Variants in STPG2 observed in about 807,000 individuals in gnomAD.
The protein encoded by STPG2 is sperm tail PG-rich repeat containing 2, also known as sperm-tail PG-rich repeat-containing protein 2.
A neutral mutation model predicts 54.2 loss-of-function variants in STPG2; 56 were observed. The ratio of observed to expected loss-of-function variants is 1.03; its 90% CI spans 0.83 to 1.29. The LOEUF (loss-of-function observed/expected upper bound fraction) is 1.29, where lower values mean the gene tolerates loss of function less well. STPG2 is among the 50% of genes most tolerant of loss of function. STPG2 has a pLI of 0.00. For synonymous variants in STPG2, 200 were observed against 181.8 expected (o/e 1.10, Z -0.81); for missense variants, 596 against 544.9 (o/e 1.09, Z -0.93).
intron 8 of STPG2, among the ~76,000 whole-genome samples, chr4:97,884,429 A>C (rs919450854): frequency 6.6e-6 from 1 of 152,210 alleles, no homozygotes; most frequent in Non-Finnish European, 1.5e-5. Context: ...TTTTATAAAA[A>C]GAGAAAAAGG....
At chr4:97,584,869 A>G (rs1190827046) in intron 10 of STPG2, among the ~76,000 whole-genome samples, 2 of 151,746 alleles carry the variant, frequency 1.3e-5, no homozygotes, top group Non-Finnish European at 2.9e-5. Context: ...AAATAGTAAT[A>G]ACAAAAATTG....
At chr4:97,924,246 T>C (rs1008660886) in intron 8 of STPG2, among the ~76,000 whole-genome samples, 1 of 152,088 alleles carries the variant, frequency 6.6e-6, no homozygotes, top group African/African-American at 2.4e-5. Flanking sequence ...ACCGCGAGGG[T>C]CCGCGGCTTC....
At chr4:97,507,379 A>G (rs1357334963) in intron 4 of STPG2, among the ~76,000 whole-genome samples, 1 of 152,126 alleles carries the variant, frequency 6.6e-6, no homozygotes, top group Non-Finnish European at 1.5e-5. Context: ...TTCAAAATAT[A>G]CACAGAACAA....
intron 10 of STPG2, among the ~76,000 whole-genome samples, chr4:97,663,693 G>A (rs1307416913): frequency 6.6e-6 from 1 of 152,140 alleles, no homozygotes; most frequent in Non-Finnish European, 1.5e-5. Context: ...GCAGTTCTGT[G>A]TCATTGGACT....
intron 5 of STPG2, among the ~76,000 whole-genome samples, chr4:98,098,932 C>A (rs1015735627): frequency 6.6e-6 from 1 of 151,838 alleles, no homozygotes; most frequent in Non-Finnish European, 1.5e-5. Context: ...ATGATCTCAC[C>A]CTAGTTAAAA....
chr4:98,056,570 C>G (rs1316876090), intron 5 of STPG2, among the ~76,000 whole-genome samples: 2 of 152,054 alleles, frequency 1.3e-5, no homozygotes, highest in Non-Finnish European at 2.9e-5. Context: ...CTAATATCTC[C>G]CATAAATGAA....
chr4:97,633,987 A>G (rs1650605858), intron 10 of STPG2, among the ~76,000 whole-genome samples: 1 of 152,186 alleles, frequency 6.6e-6, no homozygotes, highest in Non-Finnish European at 1.5e-5. Flanking sequence ...GGTGGAGCCC[A>G]CCACAGCTCA....
At chr4:97,884,878 CG>C (rs1730506552) in intron 8 of STPG2, among the ~76,000 whole-genome samples, 1 of 151,988 alleles carries the variant, frequency 6.6e-6, no homozygotes, top group African/African-American at 2.4e-5. Flanking sequence ...TTCCTTCTCA[CG>C]GTTCAAATTT....
chr4:97,626,339 T>G (rs1734137502), intron 10 of STPG2, among the ~76,000 whole-genome samples: 1 of 152,120 alleles, frequency 6.6e-6, no homozygotes, highest in African/African-American at 2.4e-5. Flanking sequence ...TGAAATATAT[T>G]CTTCTTCTCT....
intron 10 of STPG2, among the ~76,000 whole-genome samples, chr4:97,605,800 T>A (rs988207448): frequency 6.7e-6 from 1 of 149,486 alleles, no homozygotes; most frequent in African/African-American, 2.5e-5. Flanking sequence ...CAATAATATT[T>A]GCATTAATAC....
At chr4:97,449,809 T>G (rs1729318782) in intron 4 of STPG2, among the ~76,000 whole-genome samples, 1 of 152,206 alleles carries the variant, frequency 6.6e-6, no homozygotes, top group South Asian at 2.1e-4. Flanking sequence ...AAAGTCAGCT[T>G]CATGTATTTC....
At chr4:97,531,994 C>T (rs2148853926) in intron 4 of STPG2, among the ~76,000 whole-genome samples, 1 of 152,102 alleles carries the variant, frequency 6.6e-6, no homozygotes, top group South Asian at 2.1e-4. Flanking sequence ...ATATAAACAC[C>T]TACTATGTAC....
chr4:98,025,558 A>T, intron 5 of STPG2: 2 of 724,248 alleles, frequency 2.8e-6, no homozygotes, highest in Admixed American at 3.5e-5. Flanking sequence ...TAACAAACAG[A>T]GATATCATTT....
intron 9 of STPG2, among the ~76,000 whole-genome samples, chr4:97,799,943 C>T (rs1727328116): frequency 6.6e-6 from 1 of 152,152 alleles, no homozygotes; most frequent in African/African-American, 2.4e-5. Context: ...TATCTTCCAT[C>T]ACTGATACCC....
chr4:98,088,108 G>T (rs529263563), intron 5 of STPG2, among the ~76,000 whole-genome samples: 2 of 152,208 alleles, frequency 1.3e-5, no homozygotes, highest in Non-Finnish European at 2.9e-5. Context: ...TATGCAGAGG[G>T]AGAGGGATGG....
At chr4:98,136,473 T>C (rs993746730) in intron 1 of STPG2, among the ~76,000 whole-genome samples, 4 of 151,722 alleles carry the variant, frequency 2.6e-5, no homozygotes, top group Non-Finnish European at 5.9e-5. Context: ...GAATATCTTA[T>C]GTAATTTATT....
intron 10 of STPG2, chr4:97,633,527 TC>T: frequency 6.6e-6 from 1 of 152,434 alleles, no homozygotes; most frequent in Non-Finnish European, 1.5e-5. Flanking sequence ...AGTCTACAGC[TC>T]CCAGCCTGAG....
chr4:97,647,834 C>A (rs1721953292), intron 10 of STPG2, among the ~76,000 whole-genome samples: 1 of 152,106 alleles, frequency 6.6e-6, no homozygotes, highest in East Asian at 1.9e-4. Context: ...AGTCAAAGAG[C>A]TACAGTGAGC....
chr4:97,599,749 C>A (rs574685297), intron 10 of STPG2, among the ~76,000 whole-genome samples: 1 of 147,556 alleles, frequency 6.8e-6, no homozygotes, highest in Non-Finnish European at 1.5e-5. Flanking sequence ...GCGTGAACCT[C>A]GGAGGTGGAG....
Sources: gnomAD v4.1 joint callset for allele counts (sites outside exome capture counted in the v4.1 genomes callset) on GRCh38, gnomAD v4.1.1 for gene constraint, MANE v1.5 for transcripts, NCBI Gene and HGNC (gene_info 2026-07-23, HGNC 2026-07-21) for gene names.